NTM: variants seen among roughly 807,000 people sequenced by gnomAD.
NTM encodes the protein IgLON family member 2.
A neutral mutation model predicts 42.1 loss-of-function variants in NTM; 13 were observed. That is an observed-to-expected ratio of 0.31 (90% CI 0.20 to 0.49). The LOEUF (loss-of-function observed/expected upper bound fraction) is 0.49, where lower values mean the gene tolerates loss of function less well. Among genes scored for constraint, NTM ranks in the 20% least tolerant of loss-of-function variants. NTM has a pLI of 0.99. For synonymous variants in NTM, 187 were observed against 179.2 expected (o/e 1.04, Z -0.35); for missense variants, 373 against 452.8 (o/e 0.82, Z 1.60).
At chr11:132,105,323 G>A (rs1401700423) in intron 2 of NTM, among the ~76,000 whole-genome samples, 1 of 151,932 alleles carries the variant, frequency 6.6e-6, no homozygotes, top group Non-Finnish European at 1.5e-5. Context: ...GTGGAACACT[G>A]GTAGGTTCAG....
chr11:131,972,226 A>AATAC (rs1264747451), intron 2 of NTM, among the ~76,000 whole-genome samples: 5 of 151,848 alleles, frequency 3.3e-5, no homozygotes, highest in African/African-American at 9.7e-5. Flanking sequence ...TAAATACATA[A>AATAC]ATACATACAT....
chr11:131,700,090 C>A (rs79705161), intron 1 of NTM, among the ~76,000 whole-genome samples: 1 of 152,044 alleles, frequency 6.6e-6, no homozygotes, highest in South Asian at 2.1e-4. Context: ...ATGTTGGGCA[C>A]AAACTCATGT....
At chr11:132,270,782 T>A (rs1196596080) in intron 4 of NTM, among the ~76,000 whole-genome samples, 1 of 152,086 alleles carries the variant, frequency 6.6e-6, no homozygotes, top group Non-Finnish European at 1.5e-5. Flanking sequence ...ATATAAGCCT[T>A]CCACTTGTTC....
intron 2 of NTM, among the ~76,000 whole-genome samples, chr11:131,917,995 A>G (rs1395496178): frequency 6.6e-6 from 1 of 152,144 alleles, no homozygotes; most frequent in African/African-American, 2.4e-5. Flanking sequence ...GTTCTCTAAC[A>G]CCCCTCATCT....
At chr11:131,593,833 T>C (rs1011308037) in intron 1 of NTM, among the ~76,000 whole-genome samples, 3 of 152,236 alleles carry the variant, frequency 2.0e-5, no homozygotes, top group African/African-American at 7.2e-5. Context: ...TGCTTTATGA[T>C]TATCTGTTTG....
intron 1 of NTM, among the ~76,000 whole-genome samples, chr11:131,809,475 C>T (rs1054778858): frequency 6.6e-6 from 1 of 152,164 alleles, no homozygotes; most frequent in Non-Finnish European, 1.5e-5. Flanking sequence ...CCCGGTGAGG[C>T]CACCCGTATA....
At chr11:131,422,384 CT>C (rs528136566) in intron 1 of NTM, among the ~76,000 whole-genome samples, 335 of 152,320 alleles carry the variant, frequency 2.2e-3, no homozygotes, top group Non-Finnish European at 2.9e-3. Context: ...AATATTACCA[CT>C]GGAACCAGGT....
intron 1 of NTM, chr11:131,774,074 T>G: frequency 1.0e-6 from 1 of 985,060 alleles, no homozygotes; most frequent in Non-Finnish European, 1.2e-6. Context: ...GTTCCAATGT[T>G]GTTCCAAAAT....
intron 2 of NTM, among the ~76,000 whole-genome samples, chr11:132,004,654 A>AACAC (rs142814244): frequency 2.2e-5 from 3 of 136,024 alleles, no homozygotes; most frequent in Non-Finnish European, 4.7e-5. Context: ...ACACACACAC[A>AACAC]ACACACACAC....
intron 1 of NTM, among the ~76,000 whole-genome samples, chr11:131,499,752 A>C (rs2046496439): frequency 6.6e-6 from 1 of 152,196 alleles, no homozygotes; most frequent in Non-Finnish European, 1.5e-5. Context: ...CTTCTGCATC[A>C]GAGCAAAAAA....
At chr11:131,804,922 C>T (rs1219675829) in intron 1 of NTM, among the ~76,000 whole-genome samples, 1 of 152,142 alleles carries the variant, frequency 6.6e-6, no homozygotes, top group African/African-American at 2.4e-5. Flanking sequence ...AAAGACACAG[C>T]GTTCCTTCCT....
chr11:131,650,098 G>T (rs2066280718), intron 1 of NTM, among the ~76,000 whole-genome samples: 1 of 152,216 alleles, frequency 6.6e-6, no homozygotes, highest in Non-Finnish European at 1.5e-5. Context: ...CCAGGGAGGT[G>T]TAATGCTGTC....
At chr11:131,856,213 C>A (rs1056342238) in intron 1 of NTM, among the ~76,000 whole-genome samples, 1 of 152,124 alleles carries the variant, frequency 6.6e-6, no homozygotes, top group Non-Finnish European at 1.5e-5. Context: ...ATTTTTTCCA[C>A]ATCTCACTGC....
chr11:132,082,253 A>G (rs1171545334), intron 2 of NTM, among the ~76,000 whole-genome samples: 1 of 152,086 alleles, frequency 6.6e-6, no homozygotes, highest in African/African-American at 2.4e-5. Context: ...ACACGGACAC[A>G]TTGAAAGGTG....
At chr11:132,193,492 A>G (rs985447238) in intron 3 of NTM, among the ~76,000 whole-genome samples, 2 of 152,248 alleles carry the variant, frequency 1.3e-5, no homozygotes, top group South Asian at 4.1e-4. Context: ...ATAGATCAGA[A>G]TATTTGGGAC....
At chr11:131,412,382 C>T (rs1436343365) in intron 1 of NTM, among the ~76,000 whole-genome samples, 1 of 152,122 alleles carries the variant, frequency 6.6e-6, no homozygotes, top group South Asian at 2.1e-4. Context: ...AAGGAAGGAG[C>T]AAACTAAGGA....
chr11:131,409,661 A>G (rs931261038), intron 1 of NTM, among the ~76,000 whole-genome samples: 1 of 152,186 alleles, frequency 6.6e-6, no homozygotes, highest in African/African-American at 2.4e-5. Flanking sequence ...CATGAGCCAT[A>G]AAGGAAATAT....
Position 131,816,873 on chromosome 11 carries a change from G to A in NTM, c.83-94691G>A, listed in dbSNP as rs79324820. Among the ~76,000 whole-genome samples the A allele has an allele frequency of 4.7e-4, 72 of 152,218 alleles. No homozygotes were observed. The East Asian group carries it at 0.011, about 23-fold the overall frequency. The stretch of plus-strand genomic sequence containing the variant: ...CTAAAACACTGGGCACTCAACGCAC[G>A]TTAATTAAATAAATGTTAAATTCAT... On this transcript the variant is annotated intron_variant, in intron 1 of 8. Transcript: ENST00000683400.
intron 2 of NTM, among the ~76,000 whole-genome samples, chr11:132,092,424 T>G: frequency 6.6e-6 from 1 of 152,200 alleles, no homozygotes; most frequent in East Asian, 1.9e-4. Context: ...ACTTTGCACT[T>G]GACCCACCTG....
Sources: gnomAD v4.1 joint callset for allele counts (sites outside exome capture counted in the v4.1 genomes callset) on GRCh38, gnomAD v4.1.1 for gene constraint, MANE v1.5 for transcripts, NCBI Gene and HGNC (gene_info 2026-07-23, HGNC 2026-07-21) for gene names.